The following TSNARE1 variants were observed in gnomAD, a reference collection of about 807,000 sequenced individuals.
The protein encoded by TSNARE1 is t-SNARE domain-containing protein 1.
TSNARE1 carries 49 observed loss-of-function variants against 62.0 expected under a neutral mutation model. The ratio of observed to expected loss-of-function variants is 0.79; its 90% CI spans 0.63 to 1.00. The LOEUF is 1.00. TSNARE1 is among the 50% of genes least tolerant of loss of function. The pLI, the probability that TSNARE1 is intolerant of heterozygous loss-of-function variation, is 0.00. For synonymous variants in TSNARE1, 328 were observed against 294.4 expected (o/e 1.11, Z -1.17); for missense variants, 755 against 700.1 (o/e 1.08, Z -0.88).
At chr8:142,256,010 TCAC>T (rs1292112084) in intron 12 of TSNARE1, among the ~76,000 whole-genome samples, 3 of 56,020 alleles carry the variant, frequency 5.4e-5, no homozygotes, top group African/African-American at 7.2e-5. Flanking sequence ...ACCACCACCA[TCAC>T]CATCACCACC....
chr8:142,279,899 C>T (rs1242886783), intron 11 of TSNARE1: 13 of 1,039,364 alleles, frequency 1.3e-5, no homozygotes, highest in Middle Eastern at 4.7e-4. Context: ...CCTTGGGGAC[C>T]GTGGGCAGAA....
At chr8:142,359,029 C>A (rs1216054216) in intron 1 of TSNARE1, among the ~76,000 whole-genome samples, 1 of 152,110 alleles carries the variant, frequency 6.6e-6, no homozygotes. Context: ...TGCCCCACAC[C>A]CTTGCTCACT....
rs1008347551 is a variant in TSNARE1, at chr8:142,300,230, G to A, written c.1290+256C>T. On this transcript the variant is annotated intron_variant, in intron 10 of 13. Coordinates refer to ENST00000524325, the MANE Select transcript of TSNARE1 (RefSeq NM_145003.5). ...TACCCCAGCATAGACCCCAGCTCCT[G>A]GCCAGAGGGCTGTGCCCTATTAGGG... 9.7e-6 allele frequency: 4 copies of A among 414,070 alleles called. No homozygotes were observed. The East Asian group carries it at 1.5e-4, about 15-fold the overall frequency. 25.6% of individuals were successfully genotyped at this position (414,070 alleles called of 1,614,324 possible).
intron 13 of TSNARE1, among the ~76,000 whole-genome samples, chr8:142,227,542 A>G (rs988131737): frequency 2.0e-5 from 3 of 152,184 alleles, no homozygotes; most frequent in African/African-American, 7.2e-5. Flanking sequence ...CACAACCCCA[A>G]CACCAGCAGC....
At chr8:142,357,545 C>A (rs1587000599) in intron 1 of TSNARE1, among the ~76,000 whole-genome samples, 2 of 152,208 alleles carry the variant, frequency 1.3e-5, no homozygotes, top group African/African-American at 2.4e-5. Flanking sequence ...GGAACCAGGG[C>A]CCGGGAGGGA....
rs563537236 is a variant in TSNARE1, at chr8:142,277,589, C to G, written c.1364-2726G>C. 5 of 985,446 alleles carry G rather than the reference C, an allele frequency of 5.1e-6. No homozygotes were observed. The South Asian group carries it at 2.3e-4, about 46-fold the overall frequency. The allele number at this position is 985,446 out of a possible 1,614,324, so 61.0% of individuals were successfully genotyped here. ...GCCACTTTCCTACTTCCTGCCTCTG[C>G]GCCCACAAGAGGAAGTCTGGCCCTG... On this transcript the variant is annotated intron_variant, in intron 11 of 13. Coordinates refer to ENST00000524325, the MANE Select transcript of TSNARE1 (RefSeq NM_145003.5).
chr8:142,222,300 T>C (rs1482636263), intron 13 of TSNARE1, among the ~76,000 whole-genome samples: 821 of 17,016 alleles, frequency 0.048, 285 homozygotes, highest in Non-Finnish European at 0.082. Flanking sequence ...TCTCACTCAT[T>C]CACTCACTCA....
At chr8:142,370,855 A>C (rs937600529) in intron 1 of TSNARE1, among the ~76,000 whole-genome samples, 4 of 152,024 alleles carry the variant, frequency 2.6e-5, no homozygotes, top group Admixed American at 6.5e-5. Flanking sequence ...AAACAAAAAA[A>C]AAAAAACCTG....
At chr8:142,374,865 G>C (rs967722899) in intron 1 of TSNARE1, among the ~76,000 whole-genome samples, 4 of 152,080 alleles carry the variant, frequency 2.6e-5, no homozygotes, top group African/African-American at 9.7e-5. Flanking sequence ...GCTGGCCTCG[G>C]GCTGCCCTGG....
intron 2 of TSNARE1, among the ~76,000 whole-genome samples, chr8:142,350,057 G>A (rs1833893758): frequency 7.4e-6 from 1 of 134,710 alleles, no homozygotes; most frequent in South Asian, 2.6e-4. Flanking sequence ...ACCAGGGCAG[G>A]CAGGGCTGGG....
At chr8:142,340,807 C>A (rs552284429) in intron 4 of TSNARE1, among the ~76,000 whole-genome samples, 2 of 152,326 alleles carry the variant, frequency 1.3e-5, no homozygotes, top group Non-Finnish European at 2.9e-5. Context: ...CCAGCCCACA[C>A]GCAGGCAGGG....
intron 9 of TSNARE1, among the ~76,000 whole-genome samples, chr8:142,302,565 C>T (rs1447155780): frequency 3.3e-5 from 5 of 152,100 alleles, no homozygotes; most frequent in Non-Finnish European, 7.4e-5. Flanking sequence ...TCCCCACCCC[C>T]GTCTCCCCAG....
chr8:142,299,754 A>C (rs1321835434), intron 10 of TSNARE1, among the ~76,000 whole-genome samples: 2 of 152,212 alleles, frequency 1.3e-5, no homozygotes, highest in Non-Finnish European at 2.9e-5. Context: ...ACACACATGC[A>C]TACGTGCATG....
intron 12 of TSNARE1, among the ~76,000 whole-genome samples, chr8:142,246,012 C>T (rs1396899337): frequency 6.6e-6 from 1 of 152,184 alleles, no homozygotes; most frequent in Non-Finnish European, 1.5e-5. Flanking sequence ...CTGTAAGATC[C>T]AAACATGCTA....
chr8:142,347,092 T>C (rs945650121), intron 2 of TSNARE1, among the ~76,000 whole-genome samples: 1 of 152,194 alleles, frequency 6.6e-6, no homozygotes, highest in Non-Finnish European at 1.5e-5. Flanking sequence ...TGGGGCACGC[T>C]CACCCTCCAG....
intron 11 of TSNARE1, chr8:142,276,419 T>A (rs1820504569): frequency 1.0e-6 from 1 of 985,454 alleles, no homozygotes; most frequent in African/African-American, 1.7e-5. Context: ...GAGGAGGCGC[T>A]AGCCTGGGCC....
intron 9 of TSNARE1, among the ~76,000 whole-genome samples, chr8:142,303,834 G>A (rs938021442): frequency 3.9e-5 from 6 of 152,142 alleles, no homozygotes; most frequent in Non-Finnish European, 7.3e-5. Context: ...TTAGAGGGAC[G>A]TGGCATGAGG....
intron 7 of TSNARE1, among the ~76,000 whole-genome samples, chr8:142,318,239 T>C (rs1051812323): frequency 3.3e-5 from 5 of 152,088 alleles, no homozygotes; most frequent in African/African-American, 4.8e-5. Context: ...GCCATCAGCT[T>C]CCAGTAAGGC....
At chr8:142,286,166 C>T (rs1032141184) in intron 10 of TSNARE1, among the ~76,000 whole-genome samples, 5 of 152,268 alleles carry the variant, frequency 3.3e-5, no homozygotes, top group Admixed American at 2.0e-4. Context: ...TCACTTATCA[C>T]CCGAACAAAA....
Sources: allele counts gnomAD v4.1 joint callset (sites outside exome capture counted in the v4.1 genomes callset), GRCh38; gene constraint gnomAD v4.1.1; transcripts MANE v1.5; gene names NCBI Gene and HGNC (gene_info 2026-07-23, HGNC 2026-07-21).